Variants in CAP1 observed in about 807,000 individuals in gnomAD.
CAP1 encodes the protein adenylyl cyclase-associated protein 1.
In CAP1, 11 loss-of-function variants were observed where a neutral mutation model predicts 58.2. The observed-to-expected ratio is 0.19, with a 90% CI of 0.12 to 0.31. The LOEUF is 0.31. Ranked by LOEUF, CAP1 falls within the 10% of genes least tolerant of loss-of-function variation. The pLI is 1.00. For missense variants in CAP1, 423 were observed against 587.5 expected, an observed-to-expected ratio of 0.72 and a Z score of 2.89; for synonymous variants, 183 against 213.8, an observed-to-expected ratio of 0.86 and a Z score of 1.26.
chr1:40,064,432 G>A (rs997937501), intron 5 of CAP1, 42 bp from the exon 6 acceptor site: 4 of 1,611,978 alleles, frequency 2.5e-6, no homozygotes, highest in Non-Finnish European at 3.4e-6. Context: ...AGGCAATATA[G>A]TTGGAGAGGT....
rs1236619409 is a variant in CAP1 at position 40,070,142 on chromosome 1, G to T, written c.994-17G>T. ...TGTGTGCTTTGTGATGAGAATCCTGGGATCTCTCTCTAACAGGAAAATCAG... is the reference window on the plus strand; with the variant it reads ...TGTGTGCTTTGTGATGAGAATCCTGTGATCTCTCTCTAACAGGAAAATCAG... On this transcript the variant is annotated splice_polypyrimidine_tract_variant and intron_variant, in intron 9 of 12. Transcript: ENST00000372805. 1 of 1,613,552 alleles carries T rather than the reference G, an allele frequency of 6.2e-7. No individual in the cohort carries two copies. Among genetic ancestry groups the T allele is most frequent in the Non-Finnish European group, 8.5e-7 (1 of 1,179,956 alleles).
In CAP1 at chr1:40,071,556, GC is replaced by G; in HGVS notation, c.*26del. On this transcript the variant is annotated 3_prime_UTR_variant, in exon 13 of 13. Transcript: ENST00000372805. ...TAAGCGAAGTGCCACTGGGTTCTTT[GC>G]CCTCCCTTCACACCATGGGATAAAT... The G allele has an allele frequency of 1.3e-6, 2 of 1,487,174 alleles. No individual in the cohort carries two copies. Among genetic ancestry groups the G allele is most frequent in the Non-Finnish European group, 1.9e-6 (2 of 1,065,380 alleles). The allele number at this position is 1,487,174 out of a possible 1,614,324, so 92.1% of individuals were successfully genotyped here.
intron 11 of CAP1, 141 bp downstream of exon 11, chr1:40,070,653 G>T (rs535028605): frequency 1.4e-5 from 13 of 927,370 alleles, no homozygotes; most frequent in Non-Finnish European, 2.2e-5. Flanking sequence ...GGCAGAAGAA[G>T]GGTTGGCTCT....
At chr1:40,053,370 T>A (rs560360173) in intron 1 of CAP1, among the ~76,000 whole-genome samples, 5 of 152,286 alleles carry the variant, frequency 3.3e-5, no homozygotes, top group Non-Finnish European at 7.3e-5. Context: ...CATTGTGGAG[T>A]AGCAAGAAGA....
At position 40,070,904 on chromosome 1, in the gene CAP1, T is replaced by C. The variant is rs1479545973; in HGVS notation, c.1269T>C (p.Asn423=). Residue 423 remains asparagine, a synonymous_variant, in exon 12 of 13, where the codon AAT becomes AAC. Transcript: ENST00000372805. ...GCTGCCATGCTTACCTGAGCAAGAA[T>C]TCCCTGGATTGTGAAATAGTCAGTG... is the stretch of plus-strand genomic sequence containing the variant. The part of the protein sequence containing the change: ...TDGCHAYLSK[N]SLDCEIVSAK... 1.2e-5 allele frequency: 19 copies of C among 1,613,770 alleles called. No homozygotes were observed. Among genetic ancestry groups the C allele is most frequent in the Middle Eastern group, 1.7e-4 (1 of 6,052 alleles).
chr1:40,047,567 T>A (rs1029554378), intron 1 of CAP1, among the ~76,000 whole-genome samples: 1 of 152,220 alleles, frequency 6.6e-6, no homozygotes, highest in Non-Finnish European at 1.5e-5. Flanking sequence ...CTTGAATCCA[T>A]CTTTATATAT....
chr1:40,063,953 A>G (rs574804517), intron 4 of CAP1, among the ~76,000 whole-genome samples: 98 of 152,336 alleles, frequency 6.4e-4, no homozygotes, highest in African/African-American at 2.3e-3. Flanking sequence ...GTGGAACAAA[A>G]AAGAGACAGG....
rs79841683 is a variant in CAP1 at position 40,070,298 on chromosome 1, T to G, written c.1117+16T>G. The G allele has an allele frequency of 3.0e-3, 4,848 of 1,614,006 alleles. 121 individuals carry two copies. The African/African-American group carries it at 0.056, about 19-fold the overall frequency. On this transcript the variant is annotated intron_variant, in intron 10 of 12. Coordinates refer to ENST00000372805, the MANE Select transcript of CAP1 (RefSeq NM_006367.4). Reference sequence around the variant, plus strand: ...ATTACAGTAGGTGAGTCTTTGTCGCTGTCCCACGCAAGCCCCGTCCCAGAG... The same window carrying G: ...ATTACAGTAGGTGAGTCTTTGTCGCGGTCCCACGCAAGCCCCGTCCCAGAG...
chr1:40,040,423 G>C (rs1242564367), upstream of CAP1: 1 of 152,378 alleles, frequency 6.6e-6, no homozygotes, highest in African/African-American at 2.4e-5. Context: ...AGCTTAGCCA[G>C]GGACTTCTGC....
chr1:40,061,144 A>G (rs960340760), intron 3 of CAP1, among the ~76,000 whole-genome samples: 4 of 140,668 alleles, frequency 2.8e-5, no homozygotes, highest in Admixed American at 1.5e-4. Context: ...TATTTATACT[A>G]CTTCTGCTGT....
At position 40,069,488 on chromosome 1, in the gene CAP1, ATGT is replaced by A. The variant is rs1647385479; in HGVS notation, c.809-194_809-192del. 14 of 581,472 alleles carry A rather than the reference ATGT, an allele frequency of 2.4e-5. 1 individual carries two copies. In the South Asian group the frequency reaches 2.7e-4, roughly 11 times the overall value. 36.0% of individuals were successfully genotyped at this position (581,472 alleles called of 1,614,324 possible). On this transcript the variant is annotated intron_variant, in intron 8 of 12. Transcript: ENST00000372805. ...CTCACCCACAATATACACACATTCC[ATGT>A]TGTTGTTAATGGAACCATATAATTT...
chr1:40,064,667 C>T lies in CAP1; in HGVS notation c.524+108C>T, dbSNP rs1570412460. Reference sequence around the variant, plus strand: ...TCACAGCTCATTGCAGCCTCAACCTCCCAGCTCAAACAATCCTCCCACCTC... The same window carrying T: ...TCACAGCTCATTGCAGCCTCAACCTTCCAGCTCAAACAATCCTCCCACCTC... On this transcript the variant is annotated intron_variant, in intron 6 of 12. Coordinates refer to ENST00000372805, the MANE Select transcript of CAP1 (RefSeq NM_006367.4). 15 of 820,970 alleles carry T rather than the reference C, an allele frequency of 1.8e-5. No individual in the cohort carries two copies. In the East Asian group the frequency reaches 3.9e-4, roughly 21 times the overall value. 50.9% of individuals were successfully genotyped at this position (820,970 alleles called of 1,614,324 possible). A position where few individuals can be genotyped will look rare whatever the true frequency, so the allele number is the denominator to read the frequency against.
intron 7 of CAP1, chr1:40,067,272 C>T (rs1557694587): frequency 2.5e-6 from 1 of 406,784 alleles, no homozygotes; most frequent in East Asian, 4.3e-5. Flanking sequence ...AGGAAGATGT[C>T]AAGTAGATTT....
intron 1 of CAP1, among the ~76,000 whole-genome samples, chr1:40,052,781 A>C (rs1646434661): frequency 6.6e-6 from 1 of 151,996 alleles, no homozygotes; most frequent in South Asian, 2.1e-4. Context: ...CCATGGAGAA[A>C]ATTGAAAGCA....
intron 12 of CAP1, 41 bp downstream of exon 12, chr1:40,071,020 A>C (rs1281318187): frequency 6.4e-7 from 1 of 1,550,656 alleles, no homozygotes; most frequent in Non-Finnish European, 8.7e-7. Flanking sequence ...TAAAAACAGA[A>C]GGGACTGAAG....
intron 12 of CAP1, 64 bp from the exon 13 acceptor site, chr1:40,071,386 T>G: frequency 4.0e-4 from 454 of 1,142,232 alleles, no homozygotes; most frequent in Non-Finnish European, 5.4e-4. Context: ...GAGAAATGTG[T>G]GAGATTTAGC....
At chr1:40,049,490 C>A (rs1036592302) in intron 1 of CAP1, among the ~76,000 whole-genome samples, 1 of 152,044 alleles carries the variant, frequency 6.6e-6, no homozygotes, top group Non-Finnish European at 1.5e-5. Context: ...AGATTACAGG[C>A]CTGAGCCACT....
intron 7 of CAP1, 67 bp from the exon 8 acceptor site, chr1:40,067,473 G>T: frequency 7.3e-7 from 1 of 1,362,774 alleles, no homozygotes; most frequent in Non-Finnish European, 1.0e-6. Flanking sequence ...CCCATGTAGG[G>T]CACTACTGGG....
Position 40,067,669 on chromosome 1 carries a change from C to G in CAP1, c.760C>G (p.Arg254Gly). 6.3e-7 allele frequency: 1 copy of G among 1,597,010 alleles called. No homozygotes were observed. The highest frequency in any genetic ancestry group is 8.5e-7 in the Non-Finnish European group (1 of 1,171,724). The change falls in exon 8 of 13, where the codon CGC (arginine) becomes GGC (glycine). Residue 254 changes from arginine (R) to glycine (G), a missense_variant. Coordinates refer to ENST00000372805, the MANE Select transcript of CAP1 (RefSeq NM_006367.4). ...TISCSYESASRSSLFAQINQG... is the reference protein window; with the variant it reads ...TISCSYESASGSSLFAQINQG... The stretch of plus-strand genomic sequence containing the variant: ...TTCATGCTCATATGAGTCTGCTTCC[C>G]GCTCATCACTGTTCGCGCAGATTAA...
Sources: allele counts gnomAD v4.1 joint callset (sites outside exome capture counted in the v4.1 genomes callset), GRCh38; gene constraint gnomAD v4.1.1; transcripts MANE v1.5; gene names NCBI Gene and HGNC (gene_info 2026-07-23, HGNC 2026-07-21).